The following PCDHGA3 variants were observed in gnomAD, a reference collection of about 807,000 sequenced individuals.
PCDHGA3 encodes protocadherin gamma subfamily A, 3, also known as protocadherin gamma-A3.
A neutral mutation model predicts 58.5 loss-of-function variants in PCDHGA3; 40 were observed. The ratio of observed to expected loss-of-function variants is 0.68; its 90% CI spans 0.53 to 0.89. The LOEUF (loss-of-function observed/expected upper bound fraction) is 0.89, where lower values mean the gene tolerates loss of function less well. Ranked by LOEUF, PCDHGA3 falls within the 40% of genes least tolerant of loss-of-function variation. The probability of loss-of-function intolerance (pLI) is 0.00; values close to 1 mark genes in which losing one functional copy is unlikely to be tolerated. For synonymous variants in PCDHGA3, 530 were observed against 525.7 expected, an observed-to-expected ratio of 1.01 and a Z score of -0.11; for missense variants, 1,223 against 1,195.9, an observed-to-expected ratio of 1.02 and a Z score of -0.33.
chr5:141,366,178 C>T (rs778986920), intron 1 of PCDHGA3: 3 of 1,614,044 alleles, frequency 1.9e-6, no homozygotes, highest in East Asian at 2.2e-5. Context: ...AGCCAGGACT[C>T]TTTGCGGTTG....
chr5:141,370,617 T>C lies in PCDHGA3; in HGVS notation c.2424+24160T>C, dbSNP rs1767063471. 3 of 1,613,958 alleles carry C rather than the reference T, an allele frequency of 1.9e-6. No individual in the cohort carries two copies. The South Asian group carries it at 3.3e-5, about 18-fold the overall frequency. ...GCGGGTTATTGCAGAGAAGAAATTCTTTACCGTGAGCCCCGAAAATGGGAA... is the reference window on the plus strand; with the variant it reads ...GCGGGTTATTGCAGAGAAGAAATTCCTTACCGTGAGCCCCGAAAATGGGAA... On this transcript the variant is annotated intron_variant, in intron 1 of 3. Coordinates refer to ENST00000253812, the MANE Select transcript of PCDHGA3 (RefSeq NM_018916.4).
At chr5:141,510,850 G>A in intron 3 of PCDHGA3, 97 bp from the exon 4 acceptor site, 4 of 1,599,444 alleles carry the variant, frequency 2.5e-6, no homozygotes, top group South Asian at 1.1e-5. Context: ...AAGGCCCAGG[G>A]TGCTGTATAG....
chr5:141,381,826 C>CTTCTTTTTTTTTTTTTT (rs1777532522), intron 1 of PCDHGA3, among the ~76,000 whole-genome samples: 2 of 74,284 alleles, frequency 2.7e-5, no homozygotes, highest in African/African-American at 1.2e-4. Flanking sequence ...CTTTCTTCTT[C>CTTCTTTTTTTTTTTTTT]TTTTTTTTTT....
intron 1 of PCDHGA3, among the ~76,000 whole-genome samples, chr5:141,464,827 C>T (rs529757361): frequency 1.5e-4 from 23 of 152,246 alleles, no homozygotes; most frequent in African/African-American, 4.6e-4. Flanking sequence ...TAGCCTCGCA[C>T]TCCTGGGCTC....
intron 1 of PCDHGA3, among the ~76,000 whole-genome samples, chr5:141,381,748 T>C (rs1252356879): frequency 6.6e-6 from 1 of 152,130 alleles, no homozygotes; most frequent in Non-Finnish European, 1.5e-5. Context: ...GATTCCGACA[T>C]TGTTCTACTA....
At chr5:141,370,531 T>C (rs373245420) in intron 1 of PCDHGA3, 8 of 1,613,822 alleles carry the variant, frequency 5.0e-6, no homozygotes, top group Middle Eastern at 1.6e-4. Flanking sequence ...AGGGGCTCGC[T>C]GGTAGGGAAC....
chr5:141,392,879 G>C, intron 1 of PCDHGA3: 1 of 1,613,512 alleles, frequency 6.2e-7, no homozygotes, highest in Non-Finnish European at 8.5e-7. Context: ...TGCTGGGAAC[G>C]CTGTGGGAAA....
At chr5:141,362,541 A>G (rs770673084) in intron 1 of PCDHGA3, 3 of 1,613,770 alleles carry the variant, frequency 1.9e-6, no homozygotes, top group Admixed American at 3.3e-5. Context: ...CTTTTGCCTC[A>G]GATACTATTT....
chr5:141,403,051 C>G (rs1273209859), intron 1 of PCDHGA3: 1 of 1,614,086 alleles, frequency 6.2e-7, no homozygotes, highest in African/African-American at 1.3e-5. Flanking sequence ...AGATTCGCTA[C>G]TCAGTGCCTG....
intron 1 of PCDHGA3, chr5:141,382,970 G>A (rs776231859): frequency 1.9e-6 from 3 of 1,609,444 alleles, no homozygotes; most frequent in Non-Finnish European, 2.5e-6. Context: ...GGGACCCCCT[G>A]GGAAGCCTGG....
At chr5:141,401,813 T>C (rs2094195030) in intron 1 of PCDHGA3, among the ~76,000 whole-genome samples, 1 of 152,208 alleles carries the variant, frequency 6.6e-6, no homozygotes, top group Non-Finnish European at 1.5e-5. Context: ...ATGGGTTCCT[T>C]ACAAAGTGCT....
At chr5:141,399,833 C>A in intron 1 of PCDHGA3, 1 of 1,613,140 alleles carries the variant, frequency 6.2e-7, no homozygotes, top group Non-Finnish European at 8.5e-7. Context: ...GACGGCTCTG[C>A]GCTCTTCGAT....
chr5:141,352,510 A>G (rs572735665), intron 1 of PCDHGA3: 6 of 1,613,854 alleles, frequency 3.7e-6, no homozygotes, highest in South Asian at 2.2e-5. Flanking sequence ...CCTACAATCT[A>G]TGTATTGCCT....
chr5:141,393,865 C>G lies in PCDHGA3; in HGVS notation c.2424+47408C>G, dbSNP rs770874961. The G allele has an allele frequency of 4.3e-6, 7 of 1,613,838 alleles. No individual in the cohort carries two copies. In the African/African-American group the frequency reaches 8.0e-5, roughly 18 times the overall value. ...AATAGACCAGAAGTGATCATTACGT[C>G]TTTGTTTAGCCCAGTGTTAGAAAAT... On this transcript the variant is annotated intron_variant, in intron 1 of 3. Transcript: ENST00000253812.
rs1487863444 is a variant in PCDHGA3 at position 141,491,016 on chromosome 5, G to A, written c.2425-3791G>A. On this transcript the variant is annotated intron_variant, in intron 1 of 3. Transcript: ENST00000253812. This position sits in a 1 kb window ranked among gnomAD's most constrained non-coding sequence, Gnocchi z 6.9. ...CTCCTGGCTCCTTGGTCACCAAGGTGACAGCCGTGGATGCTGATGCAGGCC... is the reference window on the plus strand; with the variant it reads ...CTCCTGGCTCCTTGGTCACCAAGGTAACAGCCGTGGATGCTGATGCAGGCC... 2.5e-6 allele frequency: 4 copies of A among 1,614,136 alleles called. No individual in the cohort carries two copies. The African/African-American group carries it at 5.3e-5, about 22-fold the overall frequency.
At chr5:141,421,322 T>A (rs774885270) in intron 1 of PCDHGA3, 1 of 1,613,864 alleles carries the variant, frequency 6.2e-7, no homozygotes, top group Non-Finnish European at 8.5e-7. Context: ...GCCAGGCAGA[T>A]CCGATATTCG....
chr5:141,405,994 C>T (rs2094743060), intron 1 of PCDHGA3, among the ~76,000 whole-genome samples: 1 of 151,930 alleles, frequency 6.6e-6, no homozygotes, highest in African/African-American at 2.4e-5. Context: ...GGGTAGCTCT[C>T]AGCCTGCATT....
At chr5:141,473,002 GAA>G (rs2099311273) in intron 1 of PCDHGA3, among the ~76,000 whole-genome samples, 1 of 143,872 alleles carries the variant, frequency 7.0e-6, no homozygotes, top group East Asian at 2.0e-4. Flanking sequence ...AAAAAAGAAA[GAA>G]AAAGAAAAAG....
At chr5:141,379,452 A>G (rs1775607962) in intron 1 of PCDHGA3, 1 of 152,242 alleles carries the variant, frequency 6.6e-6, no homozygotes, top group Non-Finnish European at 1.5e-5. Flanking sequence ...TGATTATTTC[A>G]TAAACTCTGA....
Sources: allele counts gnomAD v4.1 joint callset (sites outside exome capture counted in the v4.1 genomes callset), GRCh38; gene constraint gnomAD v4.1.1; non-coding constraint Gnocchi (gnomAD v3.1); transcripts MANE v1.5; gene names NCBI Gene and HGNC (gene_info 2026-07-23, HGNC 2026-07-21).